Variants in RGS3 observed in about 807,000 individuals in gnomAD.
RGS3 encodes regulator of G-protein signalling 3.
A neutral mutation model predicts 132.6 loss-of-function variants in RGS3; 80 were observed. That is an observed-to-expected ratio of 0.60 (90% CI 0.50 to 0.73). The LOEUF is 0.73. RGS3 is among the 30% of genes least tolerant of loss of function. The pLI, the probability that RGS3 is intolerant of heterozygous loss-of-function variation, is 0.00. For missense variants in RGS3, 1,382 were observed against 1,530.8 expected (o/e 0.90, Z 1.62); for synonymous variants, 598 against 620.6 (o/e 0.96, Z 0.54).
chr9:113,581,031 T>TG, intron 19 of RGS3: 1 of 130,064 alleles, frequency 7.7e-6, no homozygotes, highest in Non-Finnish European at 1.6e-5. Context: ...AGGGGGTGGG[T>TG]CGGGGGGAGG....
chr9:113,552,672 C>T (rs1833389606), intron 19 of RGS3, among the ~76,000 whole-genome samples: 2 of 152,108 alleles, frequency 1.3e-5, no homozygotes, highest in African/African-American at 2.4e-5. Flanking sequence ...CCAAAAATAT[C>T]GTTGAGACTT....
chr9:113,469,520 A>G (rs1441126840), intron 3 of RGS3, among the ~76,000 whole-genome samples: 1 of 152,114 alleles, frequency 6.6e-6, no homozygotes, highest in Non-Finnish European at 1.5e-5. Flanking sequence ...CTTCTTAAAC[A>G]TTTAAAAAAG....
intron 1 of RGS3, among the ~76,000 whole-genome samples, chr9:113,453,031 A>G (rs1245290232): frequency 1.5e-5 from 2 of 131,828 alleles, no homozygotes; most frequent in Non-Finnish European, 3.1e-5. Flanking sequence ...TATATAATAT[A>G]TAATATATAT....
At chr9:113,470,252 C>T (rs1829788611) in intron 3 of RGS3, among the ~76,000 whole-genome samples, 1 of 152,158 alleles carries the variant, frequency 6.6e-6, no homozygotes, top group African/African-American at 2.4e-5. Flanking sequence ...TTGTGTATGT[C>T]AAGTTTAGGT....
At chr9:113,541,271 C>T (rs369512530) in intron 19 of RGS3, 18 of 1,584,158 alleles carry the variant, frequency 1.1e-5, no homozygotes, top group Non-Finnish European at 1.4e-5. Flanking sequence ...GTCAGGCAGC[C>T]CGGCCTGAGT....
At position 113,529,380 on chromosome 9, in the gene RGS3, C is replaced by T. The variant is rs1045567615; in HGVS notation, c.1914+116C>T. ...TGCCAGCCTCCATACCCACTCATGC[C>T]GAAGTCCTGGGCAAGGCCAGAGTAG... On this transcript the variant is annotated intron_variant, in intron 18 of 24. Coordinates refer to ENST00000350696, the Ensembl canonical transcript of RGS3. 3.3e-5 allele frequency: 31 copies of T among 932,650 alleles called. 1 individual carries two copies. Among genetic ancestry groups the T allele is most frequent in the South Asian group, 2.2e-4 (16 of 74,314 alleles). The allele number at this position is 932,650 out of a possible 1,614,324, so 57.8% of individuals were successfully genotyped here.
intron 21 of RGS3, chr9:113,592,962 C>T (rs182450585): frequency 1.3e-5 from 2 of 152,104 alleles, no homozygotes; most frequent in East Asian, 3.9e-4. Flanking sequence ...TCTTATTGAC[C>T]TTACCCTTAT....
At chr9:113,486,385 G>A (rs1830333124) in intron 7 of RGS3, among the ~76,000 whole-genome samples, 3 of 152,270 alleles carry the variant, frequency 2.0e-5, no homozygotes, top group Admixed American at 2.0e-4. Flanking sequence ...CTGCCATGAT[G>A]AGGCCAGGTA....
intron 7 of RGS3, among the ~76,000 whole-genome samples, chr9:113,490,991 T>C (rs1397682941): frequency 1.8e-4 from 24 of 134,082 alleles, no homozygotes; most frequent in South Asian, 1.1e-3. Flanking sequence ...TATTATATAT[T>C]GGTATATATA....
chr9:113,556,019 C>T (rs913057310), intron 19 of RGS3, among the ~76,000 whole-genome samples: 1 of 152,148 alleles, frequency 6.6e-6, no homozygotes, highest in Non-Finnish European at 1.5e-5. Context: ...AGCCTGAAAA[C>T]ATTTGCCCTC....
intron 8 of RGS3, among the ~76,000 whole-genome samples, chr9:113,496,486 C>A (rs1052133314): frequency 6.6e-6 from 1 of 152,064 alleles, no homozygotes; most frequent in African/African-American, 2.4e-5. Context: ...GATTTTTGTC[C>A]TGGGGTGGGT....
At chr9:113,536,280 C>T (rs1239090798) in intron 18 of RGS3, among the ~76,000 whole-genome samples, 2 of 152,196 alleles carry the variant, frequency 1.3e-5, no homozygotes, top group Admixed American at 1.3e-4. Flanking sequence ...CCAAAGGACC[C>T]TGAGTTGCTG....
At chr9:113,504,316 G>A (rs1305138198) in intron 10 of RGS3, among the ~76,000 whole-genome samples, 1 of 152,184 alleles carries the variant, frequency 6.6e-6, no homozygotes, top group African/African-American at 2.4e-5. Flanking sequence ...TGCCTCACCA[G>A]GGCCCACCCC....
chr9:113,479,588 C>T (rs755855405), intron 4 of RGS3, 47 bp downstream of exon 2: 106 of 1,585,306 alleles, frequency 6.7e-5, no homozygotes, highest in Non-Finnish European at 8.6e-5. Flanking sequence ...GCGGGCCACT[C>T]AGCTTGCTGC....
At chr9:113,570,187 A>G (rs898678758) in intron 19 of RGS3, 6 of 152,286 alleles carry the variant, frequency 3.9e-5, no homozygotes, top group South Asian at 2.1e-4. Flanking sequence ...GCACTTAGAC[A>G]TGTTTCATGT....
chr9:113,451,053 C>G (rs1019870119), intron 1 of RGS3, among the ~76,000 whole-genome samples: 1 of 151,996 alleles, frequency 6.6e-6, no homozygotes, highest in Non-Finnish European at 1.5e-5. Context: ...TGGCGTGTGC[C>G]TGTAATCCCA....
At chr9:113,597,157 C>T in exon 25 of RGS3, 2 of 534,752 alleles carry the variant, frequency 3.7e-6, no homozygotes, top group Non-Finnish European at 6.5e-6. Context: ...CGTGGGGTCC[C>T]CACTGCCCCG....
chr9:113,548,082 T>G (rs1025984557), intron 19 of RGS3, among the ~76,000 whole-genome samples: 6 of 152,180 alleles, frequency 3.9e-5, no homozygotes, highest in Non-Finnish European at 8.8e-5. Flanking sequence ...AGAATATTGG[T>G]AGAACCATAG....
chr9:113,511,063 C>T (rs966254833), intron 14 of RGS3, among the ~76,000 whole-genome samples: 1 of 152,154 alleles, frequency 6.6e-6, no homozygotes, highest in Non-Finnish European at 1.5e-5. Context: ...AGAGTTAAGC[C>T]ATCCTGAGTT....
Sources: allele counts gnomAD v4.1 joint callset (sites outside exome capture counted in the v4.1 genomes callset), GRCh38; gene constraint gnomAD v4.1.1; transcripts MANE v1.5; gene names NCBI Gene and HGNC (gene_info 2026-07-23, HGNC 2026-07-21).